Variants in NFATC1 observed in about 807,000 individuals in gnomAD.
NFATC1 encodes nuclear factor of activated T-cells, cytoplasmic 1.
NFATC1 carries 22 observed loss-of-function variants against 76.0 expected under a neutral mutation model. The ratio of observed to expected loss-of-function variants is 0.29; its 90% CI spans 0.21 to 0.41. The LOEUF (loss-of-function observed/expected upper bound fraction) is 0.41, where lower values mean the gene tolerates loss of function less well. Ranked by LOEUF, NFATC1 falls within the 10% of genes least tolerant of loss-of-function variation. The pLI is 1.00. For missense variants in NFATC1, 1,357 were observed against 1,337.7 expected (o/e 1.01, Z -0.23); for synonymous variants, 704 against 613.1 (o/e 1.15, Z -2.19).
Position 79,411,066 on chromosome 18 carries a change from A to C in NFATC1, c.791A>C (p.Asn264Thr). The C allele has an allele frequency of 6.2e-7, 1 of 1,611,844 alleles. No individual in the cohort carries two copies. The highest frequency in any genetic ancestry group is 8.5e-7 in the Non-Finnish European group (1 of 1,179,456). The change falls in exon 2 of 10, where the codon AAC (asparagine) becomes ACC (threonine). Residue 264 changes from asparagine (N) to threonine (T), a missense_variant. This residue lies in a region of NFATC1 where 691 missense variants were observed against 613.1 expected (regional missense o/e 1.13). Transcript: ENST00000427363. ...ARSSRPASPC[N>T]KRKYSLNGRQ... is the part of the protein sequence containing the mutation. ...TCCTCCAGACCCGCGTCCCCTTGCAACAAGAGGAAGTACAGCCTCAACGGC... is the reference window on the plus strand; with the variant it reads ...TCCTCCAGACCCGCGTCCCCTTGCACCAAGAGGAAGTACAGCCTCAACGGC...
intron 9 of NFATC1, among the ~76,000 whole-genome samples, chr18:79,507,445 T>C (rs2090141955): frequency 6.6e-6 from 1 of 152,200 alleles, no homozygotes; most frequent in East Asian, 1.9e-4. Context: ...GGGCTGACGG[T>C]GTGCAGCGCT....
chr18:79,508,817 C>T (rs1331135437), intron 9 of NFATC1, among the ~76,000 whole-genome samples: 1 of 151,818 alleles, frequency 6.6e-6, no homozygotes, highest in African/African-American at 2.4e-5. Context: ...CTCTCTCTCT[C>T]CATCTCCCTC....
chr18:79,450,340 C>CA (rs1275396460), intron 4 of NFATC1, among the ~76,000 whole-genome samples: 1 of 150,948 alleles, frequency 6.6e-6, no homozygotes, highest in Non-Finnish European at 1.5e-5. Context: ...GTTTTACACA[C>CA]AAAAAATGAG....
chr18:79,434,937 C>T (rs1256396418), intron 3 of NFATC1, among the ~76,000 whole-genome samples: 1 of 152,172 alleles, frequency 6.6e-6, no homozygotes, highest in South Asian at 2.1e-4. Context: ...CAAGGAAATG[C>T]GGGAGACACC....
chr18:79,492,207 G>A (rs1258494589), intron 9 of NFATC1, among the ~76,000 whole-genome samples: 1 of 152,158 alleles, frequency 6.6e-6, no homozygotes, highest in Non-Finnish European at 1.5e-5. Flanking sequence ...CTCCTCTGTG[G>A]CAGCCTCTGC....
rs184933014 is a variant in NFATC1 at position 79,465,658 on chromosome 18, G to A, written c.1960-1792G>A. The stretch of plus-strand genomic sequence containing the variant: ...ATTTCAGTCTCGGCTTCCATGAGAC[G>A]TTTCCTTCTTGTCTCTTCCCTCAGC... On this transcript the variant is annotated intron_variant, in intron 7 of 9. Coordinates refer to ENST00000427363, the MANE Select transcript of NFATC1 (RefSeq NM_001278669.2). This position sits in a 1 kb window ranked among gnomAD's most constrained non-coding sequence, Gnocchi z 4.2. Among the ~76,000 whole-genome samples the A allele has an allele frequency of 8.2e-4, 125 of 152,360 alleles. No homozygotes were observed. The highest frequency in any genetic ancestry group is 2.4e-3 in the African/African-American group (100 of 41,574).
rs1433202433 is a variant in NFATC1 at position 79,448,853 on chromosome 18, G to A, written c.1458G>A (p.Leu486=). 1.2e-6 allele frequency: 2 copies of A among 1,613,842 alleles called. No individual in the cohort carries two copies. Among genetic ancestry groups the A allele is most frequent in the South Asian group, 2.2e-5 (2 of 91,092 alleles). ...TTGGGACGGCGGACGACCGCCTGCT[G>A]CGCCCGCACGCCTTCTACCAGGTGC... The part of the protein sequence containing the change: ...LFIGTADDRL[L]RPHAFYQVHR... Residue 486 remains leucine (L), a synonymous_variant, in exon 4 of 10, where the codon CTG becomes CTA. Transcript: ENST00000427363.
chr18:79,438,282 G>A (rs1034395278), intron 3 of NFATC1, among the ~76,000 whole-genome samples: 1 of 152,222 alleles, frequency 6.6e-6, no homozygotes, highest in Non-Finnish European at 1.5e-5. Flanking sequence ...CCCGTCCTTG[G>A]CCTGCGTCCT....
At chr18:79,521,608 A>G (rs1296330685) in intron 9 of NFATC1, among the ~76,000 whole-genome samples, 3 of 54,748 alleles carry the variant, frequency 5.5e-5, no homozygotes, top group African/African-American at 8.1e-5. Context: ...GCTGATGTGT[A>G]TGTCTGTGTG....
At chr18:79,515,259 C>T (rs985424484) in intron 9 of NFATC1, among the ~76,000 whole-genome samples, 5 of 150,106 alleles carry the variant, frequency 3.3e-5, no homozygotes, top group Admixed American at 2.0e-4. Context: ...GCAGGAGAAT[C>T]GCTTGAACCT....
In NFATC1 at chr18:79,411,361, C is replaced by G; in HGVS notation, c.1086C>G (p.Pro362=). 6.3e-7 allele frequency: 1 copy of G among 1,589,306 alleles called. No homozygotes were observed. Among genetic ancestry groups the G allele is most frequent in the South Asian group, 1.1e-5 (1 of 88,122 alleles). Residue 362 remains proline, a synonymous_variant, in exon 2 of 10, where the codon CCC becomes CCG. Coordinates refer to ENST00000427363, the MANE Select transcript of NFATC1 (RefSeq NM_001278669.2). The stretch of plus-strand genomic sequence containing the variant: ...GGGAGGACCTGGGCAGCCCCCCGCC[C>G]CCGGCCGACTTCGCGCCCGAAGACT... The part of the protein sequence containing the change: ...PVGEDLGSPP[P]PADFAPEDYS...
intron 6 of NFATC1, among the ~76,000 whole-genome samples, chr18:79,458,084 A>G (rs1488792221): frequency 6.6e-6 from 1 of 152,138 alleles, no homozygotes; most frequent in African/African-American, 2.4e-5. Flanking sequence ...TCTCCTGAGC[A>G]CATGCCTCGG....
intron 9 of NFATC1, among the ~76,000 whole-genome samples, chr18:79,498,725 C>T (rs1227247382): frequency 6.6e-6 from 1 of 152,184 alleles, no homozygotes; most frequent in Non-Finnish European, 1.5e-5. Context: ...CAGACATAAA[C>T]CAAACTGTTG....
intron 9 of NFATC1, among the ~76,000 whole-genome samples, chr18:79,489,795 C>A (rs767389640): frequency 6.6e-6 from 1 of 152,252 alleles, no homozygotes; most frequent in African/African-American, 2.4e-5. Flanking sequence ...GCCCTGCACA[C>A]TGTTCTGGTC....
At chr18:79,475,509 C>T (rs1386745053) in intron 8 of NFATC1, among the ~76,000 whole-genome samples, 4 of 149,576 alleles carry the variant, frequency 2.7e-5, no homozygotes, top group East Asian at 3.9e-4. Context: ...GCGATGGAAG[C>T]GTGTTCTCAT....
rs867656716 is a variant in NFATC1, at chr18:79,410,532, C to T, written c.257C>T (p.Pro86Leu). ...TPGIIPPADH[P>L]SGYGAALDGG... ...GGCATCATCCCGCCGGCGGATCACC[C>T]CTCGGGGTACGGAGCAGCTTTGGAC... The change falls in exon 2 of 10, where the codon CCC (proline) becomes CTC (leucine). Residue 86 changes from proline (P) to leucine (L), a missense_variant. This residue lies in a region of NFATC1 where 691 missense variants were observed against 613.1 expected (regional missense o/e 1.13). Coordinates refer to ENST00000427363, the MANE Select transcript of NFATC1 (RefSeq NM_001278669.2). The surrounding 1 kb of genome is among the most constrained non-coding windows in gnomAD (Gnocchi z 6.7). 6.2e-7 allele frequency: 1 copy of T among 1,611,806 alleles called. No homozygotes were observed. The highest frequency in any genetic ancestry group is 2.2e-5 in the East Asian group (1 of 44,872).
intron 1 of NFATC1, among the ~76,000 whole-genome samples, chr18:79,401,126 G>T (rs555836119): frequency 2.0e-5 from 3 of 151,450 alleles, no homozygotes; most frequent in African/African-American, 7.3e-5. Context: ...CCGAAGAGCA[G>T]CGAGTGAGTG....
At chr18:79,446,165 C>T (rs1555908329) in intron 3 of NFATC1, among the ~76,000 whole-genome samples, 2 of 152,200 alleles carry the variant, frequency 1.3e-5, no homozygotes, top group Non-Finnish European at 2.9e-5. Context: ...ATTTAAATGA[C>T]TTTTCTTAAA....
At chr18:79,455,348 C>T (rs1364592885) in intron 6 of NFATC1, among the ~76,000 whole-genome samples, 1 of 152,104 alleles carries the variant, frequency 6.6e-6, no homozygotes, top group Non-Finnish European at 1.5e-5. Context: ...CTGTGGCCGC[C>T]GTGACTGGCA....
Sources: allele counts gnomAD v4.1 joint callset (sites outside exome capture counted in the v4.1 genomes callset), GRCh38; gene constraint gnomAD v4.1.1; regional missense constraint gnomAD v4.1.1; non-coding constraint Gnocchi (gnomAD v3.1); transcripts MANE v1.5; gene names NCBI Gene and HGNC (gene_info 2026-07-23, HGNC 2026-07-21).